Variants in ADAM28 observed in about 807,000 individuals in gnomAD.
ADAM28 encodes ADAM metallopeptidase domain 28.
A neutral mutation model predicts 101.2 loss-of-function variants in ADAM28; 105 were observed. The observed-to-expected ratio is 1.04, with a 90% CI of 0.89 to 1.22. ADAM28 has a LOEUF of 1.22. Among genes scored for constraint, ADAM28 ranks in the 50% most tolerant of loss-of-function variants. ADAM28 has a pLI of 0.00. For missense variants in ADAM28, 1,028 were observed against 945.4 expected, an observed-to-expected ratio of 1.09 and a Z score of -1.15; for synonymous variants, 322 against 310.6, an observed-to-expected ratio of 1.04 and a Z score of -0.39.
intron 1 of ADAM28, among the ~76,000 whole-genome samples, chr8:24,295,459 T>G (rs953992632): frequency 9.9e-5 from 15 of 150,900 alleles, no homozygotes; most frequent in African/African-American, 3.5e-4. Context: ...GAGGCAGACT[T>G]AATAGAAATG....
intron 6 of ADAM28, among the ~76,000 whole-genome samples, chr8:24,314,148 C>A (rs1391011446): frequency 2.0e-5 from 3 of 152,126 alleles, no homozygotes; most frequent in Non-Finnish European, 4.4e-5. Context: ...TCACACTATT[C>A]CCTGTAGCCT....
chr8:24,342,896 TTAGA>T (rs1326329022), intron 16 of ADAM28: 8 of 839,116 alleles, frequency 9.5e-6, no homozygotes, highest in Non-Finnish European at 1.4e-5. Flanking sequence ...ACATAAATTC[TTAGA>T]TAGACTTTAT....
At position 24,310,162 on chromosome 8, in the gene ADAM28, G is replaced by A. The variant is rs1046974565; in HGVS notation, c.228-1G>A. On this transcript the variant is annotated splice_acceptor_variant, in intron 3 of 22. Transcript: ENST00000265769. LOFTEE classifies it high-confidence loss of function. ...CAACATTTTTGTGTTTCTTTCTCCA[G>A]GAACCTCCTTGCACCAGGCTACACG... is the stretch of plus-strand genomic sequence containing the variant. 6.2e-7 allele frequency: 1 copy of A among 1,613,124 alleles called. No homozygotes were observed. Among genetic ancestry groups the A allele is most frequent in the Non-Finnish European group, 8.5e-7 (1 of 1,179,482 alleles).
intron 12 of ADAM28, 111 bp from the exon 13 acceptor site, chr8:24,332,549 T>G: frequency 4.0e-6 from 2 of 497,884 alleles, no homozygotes; most frequent in Non-Finnish European, 6.9e-6. Flanking sequence ...AAAGTCCTAT[T>G]TAGACTCCAC....
chr8:24,343,966 GTTTCT>G (rs1251384767), intron 18 of ADAM28, among the ~76,000 whole-genome samples: 2 of 152,228 alleles, frequency 1.3e-5, no homozygotes, highest in Admixed American at 1.3e-4. Flanking sequence ...TGAATTATCT[GTTTCT>G]TTTGAGTTGG....
chr8:24,344,325 C>G (rs148469782), intron 18 of ADAM28, among the ~76,000 whole-genome samples: 1 of 152,122 alleles, frequency 6.6e-6, no homozygotes. Context: ...ATCTCATTGA[C>G]GCTCCCCTCT....
At chr8:24,310,423 C>T in intron 4 of ADAM28, 182 bp downstream of exon 4, 1 of 567,292 alleles carries the variant, frequency 1.8e-6, no homozygotes, top group Non-Finnish European at 2.9e-6. Context: ...AAGAACAAAA[C>T]AATTTCTTGG....
chr8:24,340,145 G>A (rs1164263963), intron 15 of ADAM28, among the ~76,000 whole-genome samples: 1 of 152,062 alleles, frequency 6.6e-6, no homozygotes, highest in Non-Finnish European at 1.5e-5. Context: ...ATTTTTCTAT[G>A]GTTTAATTCT....
In ADAM28 at chr8:24,313,401, CA is replaced by C. The variant is rs1285042701; in HGVS notation, c.398del (p.Gln133ArgfsTer11). 22 of 1,610,778 alleles carry C rather than the reference CA, an allele frequency of 1.4e-5. No homozygotes were observed. The highest frequency in any genetic ancestry group is 1.7e-5 in the Non-Finnish European group (20 of 1,178,656). On this transcript the variant is annotated frameshift_variant, in exon 6 of 23. Coordinates refer to ENST00000265769, the MANE Select transcript of ADAM28 (RefSeq NM_014265.6). LOFTEE classifies it high-confidence loss of function. ...TCRGLRGYFS[Q>X]GDQRYFIEPL... ...ATGTTTTTTCAGGGGCTACTTCAGT[CA>C]GGGGGATCAAAGATACTTTATTGAA...
intron 6 of ADAM28, among the ~76,000 whole-genome samples, chr8:24,318,163 A>C (rs2129281879): frequency 6.6e-6 from 1 of 152,124 alleles, no homozygotes; most frequent in East Asian, 1.9e-4. Context: ...GATTGGCCAG[A>C]AGTTGGTGAA....
At chr8:24,333,131 A>C (rs1813577824) in intron 13 of ADAM28, among the ~76,000 whole-genome samples, 1 of 152,192 alleles carries the variant, frequency 6.6e-6, no homozygotes, top group Non-Finnish European at 1.5e-5. Context: ...GAATACACGC[A>C]AACAGAGTAG....
At chr8:24,344,175 G>T (rs144621294) in intron 18 of ADAM28, among the ~76,000 whole-genome samples, 1 of 152,164 alleles carries the variant, frequency 6.6e-6, no homozygotes, top group Non-Finnish European at 1.5e-5. Flanking sequence ...TGGGCAGGTA[G>T]GCAGGTCTGC....
At chr8:24,297,854 G>T (rs1808182902) in intron 1 of ADAM28, among the ~76,000 whole-genome samples, 3 of 152,164 alleles carry the variant, frequency 2.0e-5, no homozygotes, top group African/African-American at 7.2e-5. Flanking sequence ...TTAGGTTTTT[G>T]AACTTATGTT....
At chr8:24,299,774 A>C in intron 1 of ADAM28, 200 bp from the exon 2 acceptor site, 1 of 438,654 alleles carries the variant, frequency 2.3e-6, no homozygotes, top group South Asian at 3.8e-5. Flanking sequence ...GATATAGGCT[A>C]AAGTAAAACT....
rs1309512911 is a variant in ADAM28, at chr8:24,356,908, G to A, written c.*2504G>A. On this transcript the variant is annotated 3_prime_UTR_variant, in exon 23 of 23. Transcript: ENST00000265769. ...TTTTAGCTTTTTATAAAATAATGAA[G>A]TATGCATGAAAAGAAAGCAAATTTT... 2 of 152,118 alleles carry A rather than the reference G, an allele frequency of 1.3e-5. No individual in the cohort carries two copies. Among genetic ancestry groups the A allele is most frequent in the African/African-American group, 2.4e-5 (1 of 41,418 alleles). The allele number at this position is 152,118 out of a possible 1,614,324, so 9.4% of individuals were successfully genotyped here. A position where few individuals can be genotyped will look rare whatever the true frequency, so the allele number is the denominator to read the frequency against.
In ADAM28 at chr8:24,323,952, G is replaced by T. The variant is rs530155714; in HGVS notation, c.839G>T (p.Arg280Met). Residue 280 changes from arginine to methionine, a missense_variant, in exon 9 of 23, where the codon AGG becomes ATG. Arg to Met is a moderately conservative substitution (Grantham distance 91). Coordinates refer to ENST00000265769, the MANE Select transcript of ADAM28 (RefSeq NM_014265.6). ...SFTLENFSKWRGSVLSRRKRH... is the reference protein window; with the variant it reads ...SFTLENFSKWMGSVLSRRKRH... The stretch of plus-strand genomic sequence containing the variant: ...ACCTTGGAGAATTTTTCTAAATGGA[G>T]GGGGAGTGTTCTCTCAAGAAGAAAG... 6.2e-7 allele frequency: 1 copy of T among 1,612,082 alleles called. No homozygotes were observed.
intron 15 of ADAM28, among the ~76,000 whole-genome samples, chr8:24,340,118 C>T (rs1363494811): frequency 1.3e-5 from 2 of 152,146 alleles, no homozygotes; most frequent in African/African-American, 4.8e-5. Context: ...TAGAACAGCA[C>T]ACCAGAAGAA....
At chr8:24,332,331 G>T (rs961095667) in intron 12 of ADAM28, among the ~76,000 whole-genome samples, 36 of 152,202 alleles carry the variant, frequency 2.4e-4, no homozygotes, top group African/African-American at 8.4e-4. Context: ...TGAGTTGAAG[G>T]AATTATATTC....
intron 5 of ADAM28, among the ~76,000 whole-genome samples, chr8:24,312,317 A>G (rs1233069764): frequency 6.6e-6 from 1 of 152,040 alleles, no homozygotes; most frequent in African/African-American, 2.4e-5. Flanking sequence ...ATTTTAATCA[A>G]TGGTATAATT....
Sources: gnomAD v4.1 joint callset for allele counts (sites outside exome capture counted in the v4.1 genomes callset) on GRCh38, gnomAD v4.1.1 for gene constraint, MANE v1.5 for transcripts, NCBI Gene and HGNC (gene_info 2026-07-23, HGNC 2026-07-21) for gene names.